Variants in SMIM40 observed in about 807,000 individuals in gnomAD.
The protein encoded by SMIM40 is small integral membrane protein 40.
At chr6:33,328,915 C>A in intron 1 of SMIM40, 72 bp downstream of exon 1, 1 of 366,452 alleles carries the variant, frequency 2.7e-6, no homozygotes, top group Non-Finnish European at 4.8e-6. Flanking sequence ...AAAAAGACTG[C>A]TGCCCTAAGC....
intron 1 of SMIM40, among the ~76,000 whole-genome samples, chr6:33,326,317 T>A (rs1464917094): frequency 6.9e-6 from 1 of 144,410 alleles, no homozygotes; most frequent in Non-Finnish European, 1.5e-5. Flanking sequence ...CACAACACCA[T>A]GCCCAGCTAA....
At chr6:33,328,745 G>T (rs888686453) in intron 1 of SMIM40, among the ~76,000 whole-genome samples, 1 of 151,912 alleles carries the variant, frequency 6.6e-6, no homozygotes, top group Non-Finnish European at 1.5e-5. Flanking sequence ...AATTAGCAGG[G>T]GGCGGTGGCG....
At chr6:33,327,636 G>T (rs1377843506) in intron 1 of SMIM40, among the ~76,000 whole-genome samples, 1 of 151,752 alleles carries the variant, frequency 6.6e-6, no homozygotes. Context: ...GAGGTGGGCG[G>T]ATCACTTGAG....
At position 33,329,209 on chromosome 6, in the gene SMIM40, AC is replaced by A; in HGVS notation, c.56del (p.Gly19ValfsTer25). The A allele has an allele frequency of 2.5e-6, 1 of 398,658 alleles. No individual in the cohort carries two copies. Among genetic ancestry groups the A allele is most frequent in the Non-Finnish European group, 4.4e-6 (1 of 226,116 alleles). 24.7% of individuals were successfully genotyped at this position (398,658 alleles called of 1,614,324 possible). A position where few individuals can be genotyped will look rare whatever the true frequency, so the allele number is the denominator to read the frequency against. On this transcript the variant is annotated frameshift_variant, in exon 1 of 3. Transcript: ENST00000494082. LOFTEE classifies it high-confidence loss of function. Reference sequence around the variant, plus strand: ...GCACGGGACCCCTGGGAGGGGAGGGACCCTGGGCAAATGCCAGGAACACATC... The same window carrying A: ...GCACGGGACCCCTGGGAGGGGAGGGACCTGGGCAAATGCCAGGAACACATC... ...EADVFLAFAQ[G>X]PSPPRGPVRR...
At chr6:33,325,340 T>TG (rs1338702849) in intron 1 of SMIM40, among the ~76,000 whole-genome samples, 1 of 124,768 alleles carries the variant, frequency 8.0e-6, no homozygotes, top group African/African-American at 3.5e-5. Flanking sequence ...CACTCCAGCC[T>TG]GGCGACAGAG....
At chr6:33,325,903 C>T (rs972082280) in intron 1 of SMIM40, among the ~76,000 whole-genome samples, 2 of 148,454 alleles carry the variant, frequency 1.3e-5, no homozygotes, top group Non-Finnish European at 2.9e-5. Context: ...TAAGAACATT[C>T]TGTTCTTATA....
chr6:33,326,903 C>CGAAGT (rs1771218897), intron 1 of SMIM40, among the ~76,000 whole-genome samples: 2 of 146,664 alleles, frequency 1.4e-5, no homozygotes, highest in Admixed American at 6.7e-5. Flanking sequence ...AGGCAGATCA[C>CGAAGT]CTGAGGTCAG....
At chr6:33,324,399 A>T (rs541928913) in intron 1 of SMIM40, among the ~76,000 whole-genome samples, 1 of 151,880 alleles carries the variant, frequency 6.6e-6, no homozygotes, top group Admixed American at 6.6e-5. Context: ...AAGAAAAAAA[A>T]AAAAAAGAAT....
chr6:33,328,238 G>T (rs1771334680), intron 1 of SMIM40, among the ~76,000 whole-genome samples: 1 of 150,886 alleles, frequency 6.6e-6, no homozygotes, highest in Admixed American at 6.6e-5. Context: ...ACCCAGGCCG[G>T]AGTGCAATGG....
At chr6:33,325,976 A>T (rs966274863) in intron 1 of SMIM40, among the ~76,000 whole-genome samples, 4 of 149,956 alleles carry the variant, frequency 2.7e-5, no homozygotes, top group South Asian at 2.1e-4. Context: ...AATCACAAGA[A>T]AGATATTTTT....
chr6:33,325,964 A>T (rs1284022569), intron 1 of SMIM40, among the ~76,000 whole-genome samples: 2 of 149,738 alleles, frequency 1.3e-5, no homozygotes, highest in African/African-American at 5.1e-5. Flanking sequence ...CTAGAGTCTT[A>T]CAATCACAAG....
chr6:33,328,544 G>T, intron 1 of SMIM40, among the ~76,000 whole-genome samples: 1 of 151,688 alleles, frequency 6.6e-6, no homozygotes, highest in South Asian at 2.1e-4. Flanking sequence ...ATATATGAAG[G>T]AGTATATACT....
At position 33,329,148 on chromosome 6, in the gene SMIM40, C is replaced by A. The variant is rs1348563378; in HGVS notation, c.118G>T (p.Ala40Ser). 1.3e-5 allele frequency: 5 copies of A among 398,732 alleles called. No individual in the cohort carries two copies. In the East Asian group the frequency reaches 1.8e-4, roughly 14 times the overall value. 24.7% of individuals were successfully genotyped at this position (398,732 alleles called of 1,614,324 possible). ...AGCATCAGCAGTGTCAGGAAGAGGG[C>A]CAGGAAGATAAAGAAAGCCTTGTCC... The part of the protein sequence containing the change: ...ALDKAFFIFL[A>S]LFLTLLMLEA... The change falls in exon 1 of 3, where the codon GCC (alanine) becomes TCC (serine). Residue 40 changes from alanine to serine, a missense_variant. Ala to Ser is a moderately conservative substitution (Grantham distance 99). Coordinates refer to ENST00000494082, the MANE Select transcript of SMIM40 (RefSeq NM_001369203.1).
At chr6:33,328,511 A>G (rs1394529274) in intron 1 of SMIM40, among the ~76,000 whole-genome samples, 1 of 151,906 alleles carries the variant, frequency 6.6e-6, no homozygotes, top group African/African-American at 2.4e-5. Flanking sequence ...TTATGATGAA[A>G]ATTTTTAGAT....
chr6:33,324,552 T>C (rs1250727538), intron 1 of SMIM40, among the ~76,000 whole-genome samples: 3 of 149,620 alleles, frequency 2.0e-5, no homozygotes, highest in African/African-American at 4.9e-5. Context: ...TTTCTTTTTT[T>C]TTTTTTTTTT....
Position 33,326,254 on chromosome 6 carries a change from G to A in SMIM40, c.*40-2224C>T, listed in dbSNP as rs568310233. 7.4e-5 allele frequency among the ~76,000 whole-genome samples: 11 copies of A among 147,992 alleles called. 1 individual carries two copies. In the South Asian group the frequency reaches 8.4e-4, roughly 11 times the overall value. On this transcript the variant is annotated intron_variant, in intron 1 of 2. Coordinates refer to ENST00000494082, the MANE Select transcript of SMIM40 (RefSeq NM_001369203.1). ...CTGCTTACTGCAACCTCCCACTCCC[G>A]GGTTTAAGCGATTCTCCTGCCTCAA... is the stretch of plus-strand genomic sequence containing the variant.
intron 1 of SMIM40, 92 bp downstream of exon 1, chr6:33,328,886 CAAAAAAAAA>C (rs9280408): frequency 2.5e-5 from 7 of 275,620 alleles, no homozygotes; most frequent in Middle Eastern, 9.3e-4. Context: ...AACTCCATCT[CAAAAAAAAA>C]AAAAAAAAAA....
In SMIM40 at chr6:33,325,812, C is replaced by T. The variant is rs374626753; in HGVS notation, c.*40-1782G>A. ...GGCGGAGCTTGCAGTGAGCCGAGAT[C>T]GCGCCACTGCCCTCCAGCCTGGGCG... On this transcript the variant is annotated intron_variant, in intron 1 of 2. Transcript: ENST00000494082. 9.4e-4 allele frequency among the ~76,000 whole-genome samples: 137 copies of T among 146,220 alleles called. 2 individuals are homozygous for T. In the Middle Eastern group the frequency reaches 0.014, roughly 15 times the overall value.
At chr6:33,326,691 C>T (rs1007439257) in intron 1 of SMIM40, among the ~76,000 whole-genome samples, 1 of 144,234 alleles carries the variant, frequency 6.9e-6, no homozygotes, top group Non-Finnish European at 1.5e-5. Context: ...CAGGCGTGGT[C>T]GTGGGCGCCT....
Sources: gnomAD v4.1 joint callset for allele counts (sites outside exome capture counted in the v4.1 genomes callset) on GRCh38, gnomAD v4.1.1 for gene constraint, MANE v1.5 for transcripts, NCBI Gene and HGNC (gene_info 2026-07-23, HGNC 2026-07-21) for gene names.